GPAM: variants seen among roughly 807,000 people sequenced by gnomAD.
GPAM encodes glycerol-3-phosphate acyltransferase 1, mitochondrial.
In GPAM, 56 loss-of-function variants were observed where a neutral mutation model predicts 105.0. The observed-to-expected ratio is 0.53, with a 90% CI of 0.43 to 0.67. The LOEUF (loss-of-function observed/expected upper bound fraction) is 0.67, where lower values mean the gene tolerates loss of function less well. Among genes scored for constraint, GPAM ranks in the 30% least tolerant of loss-of-function variants. The pLI is 0.00. For missense variants in GPAM, 855 were observed against 989.8 expected (o/e 0.86, Z 1.83); for synonymous variants, 368 against 354.4 (o/e 1.04, Z -0.43).
At position 112,151,277 on chromosome 10, in the gene GPAM, T is replaced by C. The variant is rs1380306283; in HGVS notation, c.*2273A>G. ...TTGGAAAACAATGAGAATGTATCTTTTAGCAAAACGGTGCTATCTGGAAGC... is the reference window on the plus strand; with the variant it reads ...TTGGAAAACAATGAGAATGTATCTTCTAGCAAAACGGTGCTATCTGGAAGC... On this transcript the variant is annotated 3_prime_UTR_variant, in exon 22 of 22. Coordinates refer to ENST00000348367, the MANE Select transcript of GPAM (RefSeq NM_001244949.2). The C allele has an allele frequency of 1.0e-6, 1 of 985,714 alleles. No homozygotes were observed. The highest frequency in any genetic ancestry group is 1.2e-6 in the Non-Finnish European group (1 of 829,896). The allele number at this position is 985,714 out of a possible 1,614,324, so 61.1% of individuals were successfully genotyped here. A position where few individuals can be genotyped will look rare whatever the true frequency, so the allele number is the denominator to read the frequency against.
Position 112,161,713 on chromosome 10 carries a change from A to G in GPAM, c.1448T>C (p.Met483Thr), listed in dbSNP as rs1446266592. 5 of 1,614,176 alleles carry G rather than the reference A, an allele frequency of 3.1e-6. No homozygotes were observed. Among genetic ancestry groups the G allele is most frequent in the East Asian group, 4.5e-5 (2 of 44,882 alleles). The change falls in exon 15 of 22, where the codon ATG becomes ACG. Residue 483 changes from methionine (M) to threonine (T), a missense_variant. Physicochemically the swap from Met to Thr is moderately conservative, Grantham distance 81. Coordinates refer to ENST00000348367, the MANE Select transcript of GPAM (RefSeq NM_001244949.2). ...LFTASKSCAI[M>T]STHIVACLLL... ...CAGGCAAGCCACAATGTGTGTGGAC[A>G]TAATGGCACAGGACTTGCTAGCAGC...
At chr10:112,160,219 A>G (rs762263478) in intron 16 of GPAM, 166 bp from the exon 17 acceptor site, 16 of 376,552 alleles carry the variant, frequency 4.2e-5, no homozygotes, top group African/African-American at 3.3e-4. Context: ...ATTCCATATG[A>G]TCCCAACTGC....
chr10:112,157,305 C>T lies in GPAM; in HGVS notation c.2065G>A (p.Asp689Asn), dbSNP rs1847034626. 6.2e-7 allele frequency: 1 copy of T among 1,613,592 alleles called. No homozygotes were observed. The highest frequency in any genetic ancestry group is 1.1e-5 in the South Asian group (1 of 91,078). ...KLPEPLSWRS[D>N]EEDEDSDFGE... Reference sequence around the variant, plus strand: ...AAGTCACTGTCTTCATCTTCTTCATCACTTCTCCAAGACAAAGGTTCTGGA... The same window carrying T: ...AAGTCACTGTCTTCATCTTCTTCATTACTTCTCCAAGACAAAGGTTCTGGA... Residue 689 changes from aspartate to asparagine, a missense_variant, in exon 19 of 22, where the codon GAT becomes AAT. Physicochemically the swap from Asp to Asn is conservative, Grantham distance 23 (BLOSUM62 1). Coordinates refer to ENST00000348367, the MANE Select transcript of GPAM (RefSeq NM_001244949.2).
chr10:112,213,121 C>G (rs571423655), intron 1 of GPAM, among the ~76,000 whole-genome samples: 6 of 152,188 alleles, frequency 3.9e-5, no homozygotes, highest in African/African-American at 1.4e-4. Context: ...ATAGGCCCAG[C>G]TGAATGAATG....
intron 1 of GPAM, among the ~76,000 whole-genome samples, chr10:112,208,797 A>C (rs1847878460): frequency 6.6e-6 from 1 of 152,244 alleles, no homozygotes; most frequent in Non-Finnish European, 1.5e-5. Flanking sequence ...CATTTGATAA[A>C]AGAAGTAATG....
rs1270379009 is a variant in GPAM at position 112,164,561 on chromosome 10, AG to A, written c.1270del (p.Leu424TrpfsTer41). The A allele has an allele frequency of 5.6e-6, 9 of 1,607,232 alleles. No homozygotes were observed. Among genetic ancestry groups the A allele is most frequent in the Non-Finnish European group, 7.7e-6 (9 of 1,173,866 alleles). Reference sequence around the variant, plus strand: ...TATAGCTGGTAACAACGCTTGCTCCAGGGAAAGTAGAGCAGACACCGGTTTC... The same window carrying A: ...TATAGCTGGTAACAACGCTTGCTCCAGGAAAGTAGAGCAGACACCGGTTTC... ...SQKPVSALLS[L>X]EQALLPAILP... On this transcript the variant is annotated frameshift_variant, in exon 13 of 22. Transcript: ENST00000348367. LOFTEE classifies it high-confidence loss of function.
intron 1 of GPAM, among the ~76,000 whole-genome samples, chr10:112,202,100 C>A (rs538849854): frequency 6.0e-4 from 91 of 152,312 alleles, no homozygotes; most frequent in African/African-American, 2.1e-3. Flanking sequence ...CTGACTCCAA[C>A]ACTCATTCTC....
At chr10:112,187,278 C>G (rs1847607259), upstream of GPAM, among the ~76,000 whole-genome samples, 1 of 151,912 alleles carries the variant, frequency 6.6e-6, no homozygotes, top group African/African-American at 2.4e-5. Context: ...CAGATATTGT[C>G]AGACTGGAAA....
At chr10:112,179,782 T>C (rs113345142) in intron 4 of GPAM, among the ~76,000 whole-genome samples, 5 of 152,332 alleles carry the variant, frequency 3.3e-5, no homozygotes, top group African/African-American at 9.6e-5. Flanking sequence ...AACATCCAGA[T>C]ATGACTTTTA....
Position 112,149,944 on chromosome 10 carries a change from T to C in GPAM, c.*3606A>G. 2 of 985,788 alleles carry C rather than the reference T, an allele frequency of 2.0e-6. No individual in the cohort carries two copies. The highest frequency in any genetic ancestry group is 9.4e-5 in the South Asian group (2 of 21,280). The allele number at this position is 985,788 out of a possible 1,614,324, so 61.1% of individuals were successfully genotyped here. On this transcript the variant is annotated 3_prime_UTR_variant, in exon 22 of 22. Coordinates refer to ENST00000348367, the MANE Select transcript of GPAM (RefSeq NM_001244949.2). ...ATACACTAACAAGCATAAAAATCAA[T>C]CAGCATTTCCAAGTATGTTTTGCTC... is the stretch of plus-strand genomic sequence containing the variant.
At chr10:112,163,662 T>C in intron 14 of GPAM, 39 bp downstream of exon 14, 1 of 962,070 alleles carries the variant, frequency 1.0e-6, no homozygotes, top group Non-Finnish European at 1.7e-6. Flanking sequence ...CCATGATGAA[T>C]CTAAATTGTA....
At chr10:112,193,519 C>T (rs1222052134) in intron 1 of GPAM, among the ~76,000 whole-genome samples, 1 of 152,142 alleles carries the variant, frequency 6.6e-6, no homozygotes, top group Non-Finnish European at 1.5e-5. Context: ...ATGATGGGCC[C>T]GTCCTCTCAA....
chr10:112,178,114 G>C, intron 4 of GPAM, 57 bp from the exon 5 acceptor site: 1 of 869,216 alleles, frequency 1.2e-6, no homozygotes, highest in South Asian at 1.4e-5. Flanking sequence ...ACGGTGAAGA[G>C]CTCTCATTAT....
intron 21 of GPAM, 173 bp downstream of exon 21, chr10:112,154,456 C>A: frequency 3.2e-6 from 2 of 633,104 alleles, no homozygotes; most frequent in South Asian, 3.8e-5. Flanking sequence ...GCTTCACCTT[C>A]AACATAGCCC....
chr10:112,178,194 G>C, intron 4 of GPAM, 137 bp from the exon 5 acceptor site: 1 of 612,620 alleles, frequency 1.6e-6, no homozygotes, highest in Non-Finnish European at 3.0e-6. Flanking sequence ...GAAGAAAAAA[G>C]TTTTATTGAA....
At chr10:112,212,919 T>G (rs1847928449) in intron 1 of GPAM, among the ~76,000 whole-genome samples, 2 of 152,224 alleles carry the variant, frequency 1.3e-5, no homozygotes, top group Admixed American at 1.3e-4. Context: ...GGAGCTCCTC[T>G]TCATGTTTAG....
intron 20 of GPAM, 44 bp downstream of exon 20, chr10:112,155,820 A>AT (rs753122865): frequency 7.4e-6 from 10 of 1,360,444 alleles, no homozygotes; most frequent in Non-Finnish European, 1.0e-5. Flanking sequence ...GAAATCCAAA[A>AT]AAAAAAAAAA....
chr10:112,182,157 A>G (rs1462061220), intron 2 of GPAM, among the ~76,000 whole-genome samples: 1 of 152,234 alleles, frequency 6.6e-6, no homozygotes, highest in Non-Finnish European at 1.5e-5. Context: ...CAAAATAGCT[A>G]TGAATTGTAT....
At chr10:112,225,062 C>A in the GPAM span, among the ~76,000 whole-genome samples, 1 of 152,158 alleles carries the variant, frequency 6.6e-6, no homozygotes, top group Non-Finnish European at 1.5e-5. Context: ...GCCTGGTGAT[C>A]CCATGTGCCA....
Sources: allele counts gnomAD v4.1 joint callset (sites outside exome capture counted in the v4.1 genomes callset), GRCh38; gene constraint gnomAD v4.1.1; transcripts MANE v1.5; gene names NCBI Gene and HGNC (gene_info 2026-07-23, HGNC 2026-07-21).